Variants in LARGE1 observed in about 807,000 individuals in gnomAD.
The protein encoded by LARGE1 is xylosyl- and glucuronyltransferase LARGE1.
A neutral mutation model predicts 87.6 loss-of-function variants in LARGE1; 43 were observed. That is an observed-to-expected ratio of 0.49 (90% CI 0.38 to 0.63). LARGE1 has a LOEUF of 0.63. Among genes scored for constraint, LARGE1 ranks in the 30% least tolerant of loss-of-function variants. The pLI is 0.00. For missense variants in LARGE1, 802 were observed against 1,000.2 expected (o/e 0.80, Z 2.67); for synonymous variants, 434 against 394.6 (o/e 1.10, Z -1.18).
At position 33,613,311 on chromosome 22, in the gene LARGE1, A is replaced by G. The variant is rs5999033; in HGVS notation, c.492-8753T>C. Among the ~76,000 whole-genome samples, 21 of 152,210 alleles carry G rather than the reference A, an allele frequency of 1.4e-4. No individual in the cohort carries two copies. In the South Asian group the frequency reaches 1.5e-3, roughly 11 times the overall value. On this transcript the variant is annotated intron_variant, in intron 4 of 14. Coordinates refer to ENST00000397394, the MANE Select transcript of LARGE1 (RefSeq NM_133642.5). ...GGCCTTTTCCTTTTAGGCTCACCAA[A>G]CCATGGCACAAGCACATGAAAATAC...
chr22:33,566,497 G>T (rs977097043), intron 5 of LARGE1, among the ~76,000 whole-genome samples: 1 of 152,166 alleles, frequency 6.6e-6, no homozygotes, highest in African/African-American at 2.4e-5. Context: ...TCTTGGTCTC[G>T]CTGACTTCAA....
the LARGE1 span, among the ~76,000 whole-genome samples, chr22:33,069,058 A>G: frequency 9.2e-5 from 14 of 152,130 alleles, no homozygotes; most frequent in African/African-American, 3.4e-4. Flanking sequence ...GACAAGTTGG[A>G]TCTCCCAGTC....
chr22:33,472,613 T>G (rs866371740), intron 6 of LARGE1, among the ~76,000 whole-genome samples: 2 of 152,206 alleles, frequency 1.3e-5, no homozygotes, highest in African/African-American at 4.8e-5. Flanking sequence ...CAATAGTCCC[T>G]TGCCTCTCAT....
intron 5 of LARGE1, among the ~76,000 whole-genome samples, chr22:33,574,376 T>C (rs761229904): frequency 2.6e-5 from 4 of 152,204 alleles, no homozygotes; most frequent in Non-Finnish European, 5.9e-5. Context: ...GTAAAAATTA[T>C]GTAAACAGTT....
At chr22:33,109,761 C>G in the LARGE1 span, among the ~76,000 whole-genome samples, 1 of 152,070 alleles carries the variant, frequency 6.6e-6, no homozygotes, top group Non-Finnish European at 1.5e-5. Flanking sequence ...TTGGTGTCCT[C>G]CCTGCAATAA....
chr22:33,560,991 T>C (rs1196360181), intron 6 of LARGE1, among the ~76,000 whole-genome samples: 1 of 152,112 alleles, frequency 6.6e-6, no homozygotes, highest in African/African-American at 2.4e-5. Flanking sequence ...ATTTTTTGTA[T>C]TTTTAGTAGA....
At chr22:33,471,072 G>T (rs1209603394) in intron 6 of LARGE1, among the ~76,000 whole-genome samples, 2 of 142,202 alleles carry the variant, frequency 1.4e-5, no homozygotes, top group East Asian at 4.2e-4. Context: ...TTGACTCCTA[G>T]GCTGGAGTAA....
chr22:33,392,397 G>A (rs1360880813), intron 7 of LARGE1, among the ~76,000 whole-genome samples: 4 of 152,124 alleles, frequency 2.6e-5, no homozygotes, highest in Non-Finnish European at 5.9e-5. Context: ...GGTGGCTCAC[G>A]CCTGTGATCC....
the LARGE1 span, among the ~76,000 whole-genome samples, chr22:33,117,604 G>A: frequency 6.6e-6 from 1 of 152,106 alleles, no homozygotes; most frequent in Non-Finnish European, 1.5e-5. Context: ...AAGTTGGTGA[G>A]CTTGGTGGAA....
At chr22:33,335,301 T>C (rs1487575387) in intron 10 of LARGE1, among the ~76,000 whole-genome samples, 2 of 152,194 alleles carry the variant, frequency 1.3e-5, no homozygotes, top group Non-Finnish European at 1.5e-5. Flanking sequence ...CAGTGCTTAA[T>C]GGTTTTCTTT....
intron 3 of LARGE1, among the ~76,000 whole-genome samples, chr22:33,634,585 G>A (rs1312184437): frequency 6.7e-6 from 1 of 149,570 alleles, no homozygotes. Context: ...CACATGTCCC[G>A]AGGCCTTGGA....
At chr22:33,584,604 T>C (rs1270870904) in intron 5 of LARGE1, among the ~76,000 whole-genome samples, 1 of 152,032 alleles carries the variant, frequency 6.6e-6, no homozygotes, top group Non-Finnish European at 1.5e-5. Context: ...CCTAATCAGA[T>C]GAGAATTCAG....
At chr22:33,412,814 C>T (rs1358372794) in intron 7 of LARGE1, among the ~76,000 whole-genome samples, 1 of 152,130 alleles carries the variant, frequency 6.6e-6, no homozygotes, top group East Asian at 1.9e-4. Context: ...GCATGTGACC[C>T]CATGCTGGGG....
intron 11 of LARGE1, among the ~76,000 whole-genome samples, chr22:33,178,088 C>G (rs5994688): frequency 0.42 from 64,313 of 151,982 alleles, 13,938 homozygotes; most frequent in Middle Eastern, 0.47. Context: ...TTGTAAATTA[C>G]CCGGTCTTAG....
chr22:33,534,009 A>G (rs1045155292), intron 6 of LARGE1, among the ~76,000 whole-genome samples: 3 of 151,612 alleles, frequency 2.0e-5, no homozygotes, highest in African/African-American at 4.9e-5. Flanking sequence ...TTTTCCTCCA[A>G]TGTTTACTGA....
intron 9 of LARGE1, among the ~76,000 whole-genome samples, chr22:33,365,881 G>A (rs548702167): frequency 6.6e-6 from 1 of 152,282 alleles, no homozygotes; most frequent in Non-Finnish European, 1.5e-5. Context: ...CTCCCAATGT[G>A]CTGGGATTAC....
At chr22:33,680,034 T>C (rs2081709163) in intron 2 of LARGE1, among the ~76,000 whole-genome samples, 1 of 152,184 alleles carries the variant, frequency 6.6e-6, no homozygotes, top group Non-Finnish European at 1.5e-5. Context: ...TTACGGCAGC[T>C]GTGGGGACTT....
the LARGE1 span, among the ~76,000 whole-genome samples, chr22:33,068,428 G>A: frequency 6.6e-6 from 1 of 152,080 alleles, no homozygotes. Context: ...GGCAGATCAC[G>A]AGGTCAGGAG....
intron 1 of LARGE1, among the ~76,000 whole-genome samples, chr22:33,834,192 G>A (rs940033525): frequency 1.3e-5 from 2 of 152,156 alleles, no homozygotes; most frequent in African/African-American, 2.4e-5. Context: ...GGATACTACA[G>A]CAGCCAAAAC....
Sources: gnomAD v4.1 joint callset for allele counts (sites outside exome capture counted in the v4.1 genomes callset) on GRCh38, gnomAD v4.1.1 for gene constraint, MANE v1.5 for transcripts, NCBI Gene and HGNC (gene_info 2026-07-23, HGNC 2026-07-21) for gene names.